RYR2: variants seen among roughly 807,000 people sequenced by gnomAD.
RYR2 encodes ryanodine receptor 2.
In RYR2, 227 loss-of-function variants were observed where a neutral mutation model predicts 601.1. The ratio of observed to expected loss-of-function variants is 0.38; its 90% CI spans 0.34 to 0.42. RYR2 has a LOEUF of 0.42. Ranked by LOEUF, RYR2 falls within the 10% of genes least tolerant of loss-of-function variation. RYR2 has a pLI of 1.00. For missense variants in RYR2, 4,646 were observed against 6,156.5 expected (o/e 0.75, Z 8.21); for synonymous variants, 2,223 against 2,175.1 (o/e 1.02, Z -0.61).
At chr1:237,574,806 G>A (rs1295517812) in intron 29 of RYR2, among the ~76,000 whole-genome samples, 1 of 152,174 alleles carries the variant, frequency 6.6e-6, no homozygotes, top group African/African-American at 2.4e-5. Flanking sequence ...GAGCTTGGAA[G>A]ATGACTCCAA....
intron 28 of RYR2, among the ~76,000 whole-genome samples, chr1:237,567,272 T>C (rs1672181233): frequency 6.6e-6 from 1 of 152,156 alleles, no homozygotes; most frequent in Non-Finnish European, 1.5e-5. Flanking sequence ...GTTTAAAGAT[T>C]CTTTTACATG....
At chr1:237,770,215 T>A (rs1202173946) in intron 84 of RYR2, among the ~76,000 whole-genome samples, 1 of 152,172 alleles carries the variant, frequency 6.6e-6, no homozygotes, top group Non-Finnish European at 1.5e-5. Context: ...ACCAGTCACA[T>A]CTCTATTTTA....
chr1:237,373,054 A>G (rs997416780), intron 6 of RYR2, among the ~76,000 whole-genome samples: 2 of 152,210 alleles, frequency 1.3e-5, no homozygotes, highest in African/African-American at 2.4e-5. Context: ...AAAATTACAA[A>G]AGACTTTAAT....
At chr1:237,579,048 A>G (rs957255381) in intron 29 of RYR2, among the ~76,000 whole-genome samples, 1 of 152,168 alleles carries the variant, frequency 6.6e-6, no homozygotes, top group African/African-American at 2.4e-5. Flanking sequence ...AACACAACTA[A>G]GAAGGCCAAC....
intron 1 of RYR2, among the ~76,000 whole-genome samples, chr1:237,157,381 G>A (rs1039494636): frequency 1.7e-4 from 25 of 149,884 alleles, no homozygotes; most frequent in African/African-American, 3.9e-4. Flanking sequence ...CAGCAATCCC[G>A]CTAAGTAAAT....
chr1:237,720,827 A>C (rs1044604345), intron 73 of RYR2, among the ~76,000 whole-genome samples: 1 of 152,208 alleles, frequency 6.6e-6, no homozygotes, highest in Non-Finnish European at 1.5e-5. Flanking sequence ...GATTATAAGC[A>C]GAAAGAAGTT....
At chr1:237,244,933 A>T (rs1372023285) in intron 1 of RYR2, among the ~76,000 whole-genome samples, 1 of 152,124 alleles carries the variant, frequency 6.6e-6, no homozygotes, top group African/African-American at 2.4e-5. Flanking sequence ...TTTAAAACTA[A>T]TGTTTAATCA....
intron 1 of RYR2, among the ~76,000 whole-genome samples, chr1:237,137,201 T>C (rs2148734557): frequency 6.6e-6 from 1 of 152,178 alleles, no homozygotes; most frequent in South Asian, 2.1e-4. Flanking sequence ...TGAATTTCAG[T>C]CCCCTTAAGG....
intron 2 of RYR2, among the ~76,000 whole-genome samples, chr1:237,304,162 A>G (rs1693647013): frequency 6.6e-6 from 1 of 152,132 alleles, no homozygotes; most frequent in South Asian, 2.1e-4. Flanking sequence ...GATGAGTCAG[A>G]CTTTAAAAAA....
chr1:237,101,317 A>AC (rs1558234202), intron 1 of RYR2, among the ~76,000 whole-genome samples: 1 of 142,916 alleles, frequency 7.0e-6, no homozygotes, highest in African/African-American at 2.6e-5. Flanking sequence ...AAAAAAAAAA[A>AC]AAAAAAACCT....
At chr1:237,718,163 T>C (rs779980975) in intron 72 of RYR2, among the ~76,000 whole-genome samples, 1 of 152,308 alleles carries the variant, frequency 6.6e-6, no homozygotes, top group East Asian at 1.9e-4. Context: ...ACTGGAGATA[T>C]ACTTCTATTT....
chr1:237,424,371 T>G (rs1357831747), intron 12 of RYR2, among the ~76,000 whole-genome samples: 4 of 152,216 alleles, frequency 2.6e-5, no homozygotes, highest in Non-Finnish European at 5.9e-5. Flanking sequence ...CACAGTGTTA[T>G]TCAGGGCTCA....
chr1:237,677,518 A>G (rs1413086093), intron 60 of RYR2, among the ~76,000 whole-genome samples: 1 of 152,172 alleles, frequency 6.6e-6, no homozygotes, highest in East Asian at 1.9e-4. Flanking sequence ...CCAACCTAAT[A>G]TTAAAATTGC....
chr1:237,245,474 C>T (rs1412934341), intron 1 of RYR2, among the ~76,000 whole-genome samples: 4 of 152,028 alleles, frequency 2.6e-5, no homozygotes, highest in African/African-American at 4.8e-5. Context: ...AGGGTGAGAA[C>T]GCGTAGGGAA....
intron 3 of RYR2, among the ~76,000 whole-genome samples, chr1:237,355,640 A>T (rs1699230669): frequency 6.6e-6 from 1 of 152,138 alleles, no homozygotes; most frequent in South Asian, 2.1e-4. Context: ...GTAGTTCTTA[A>T]ATCAGAAGGC....
intron 1 of RYR2, among the ~76,000 whole-genome samples, chr1:237,186,944 T>C (rs1013962113): frequency 6.6e-6 from 1 of 152,202 alleles, no homozygotes; most frequent in Non-Finnish European, 1.5e-5. Context: ...CTCCTTCCAC[T>C]GCGGCTTTTT....
chr1:237,777,809 C>G (rs1694785779), intron 87 of RYR2, among the ~76,000 whole-genome samples: 2 of 152,160 alleles, frequency 1.3e-5, no homozygotes, highest in Non-Finnish European at 2.9e-5. Context: ...GGAGCAATAC[C>G]AGAACACTAA....
intron 80 of RYR2, chr1:237,755,028 C>A: frequency 1.6e-6 from 2 of 1,256,658 alleles, no homozygotes; most frequent in Non-Finnish European, 2.1e-6. Flanking sequence ...TATAGTGTGA[C>A]AAAAAAAACC....
rs1668671647 is a variant in RYR2 at position 237,106,272 on chromosome 1, C to T, written c.48+63703C>T. Reference sequence around the variant, plus strand: ...CAGGGGTGGGCAGGGAGAACAGCTCCCCTGCACCAGCTCCCGCTGGGCTGC... The same window carrying T: ...CAGGGGTGGGCAGGGAGAACAGCTCTCCTGCACCAGCTCCCGCTGGGCTGC... On this transcript the variant is annotated intron_variant, in intron 1 of 104. Coordinates refer to ENST00000366574, the MANE Select transcript of RYR2 (RefSeq NM_001035.3). This position sits in a 1 kb window ranked among gnomAD's most constrained non-coding sequence, Gnocchi z 4.4. Among the ~76,000 whole-genome samples, 1 of 152,198 alleles carries T rather than the reference C, an allele frequency of 6.6e-6. No individual in the cohort carries two copies. Among genetic ancestry groups the T allele is most frequent in the Admixed American group, 6.5e-5 (1 of 15,290 alleles).
Sources: gnomAD v4.1 joint callset for allele counts (sites outside exome capture counted in the v4.1 genomes callset) on GRCh38, gnomAD v4.1.1 for gene constraint, Gnocchi (gnomAD v3.1) non-coding constraint, MANE v1.5 for transcripts, NCBI Gene and HGNC (gene_info 2026-07-23, HGNC 2026-07-21) for gene names.